The following XXYLT1 variants were observed in gnomAD, a reference collection of about 807,000 sequenced individuals.
The protein encoded by XXYLT1 is UDP-xylose:alpha-xyloside alpha-1,3-xylosyltransferase.
Under a neutral mutation model 28.9 loss-of-function variants are expected in XXYLT1, and 20 were observed. The ratio of observed to expected loss-of-function variants is 0.69; its 90% CI spans 0.49 to 1.00. XXYLT1 has a LOEUF of 1.00. Among genes scored for constraint, XXYLT1 ranks in the 50% least tolerant of loss-of-function variants. XXYLT1 has a pLI of 0.00. For missense variants in XXYLT1, 542 were observed against 560.1 expected (o/e 0.97, Z 0.33); for synonymous variants, 257 against 253.8 (o/e 1.01, Z -0.12).
At chr3:195,215,267 C>T (rs535917539) in intron 2 of XXYLT1, among the ~76,000 whole-genome samples, 3 of 146,172 alleles carry the variant, frequency 2.1e-5, no homozygotes, top group Non-Finnish European at 3.0e-5. Context: ...CATCAACTAA[C>T]GAGCAAAATA....
intron 2 of XXYLT1, among the ~76,000 whole-genome samples, chr3:195,157,077 T>C (rs1720636962): frequency 6.6e-6 from 1 of 151,872 alleles, no homozygotes; most frequent in Non-Finnish European, 1.5e-5. Context: ...ACCCTGTCTC[T>C]ACTAAAAATA....
intron 2 of XXYLT1, among the ~76,000 whole-genome samples, chr3:195,158,809 T>C (rs1007838968): frequency 6.6e-6 from 1 of 152,214 alleles, no homozygotes; most frequent in Non-Finnish European, 1.5e-5. Flanking sequence ...CGCCAAGTTG[T>C]AAATGTCACT....
At chr3:195,111,881 T>C (rs935940073) in intron 3 of XXYLT1, among the ~76,000 whole-genome samples, 16 of 152,204 alleles carry the variant, frequency 1.1e-4, no homozygotes, top group African/African-American at 3.9e-4. Flanking sequence ...CGGAAAAATA[T>C]GTAAATACAA....
chr3:195,182,711 G>A (rs1164828961), intron 2 of XXYLT1, among the ~76,000 whole-genome samples: 1 of 151,724 alleles, frequency 6.6e-6, no homozygotes, highest in African/African-American at 2.4e-5. Context: ...ACGAAAGGAA[G>A]GAAATTAATA....
At chr3:195,149,636 C>A (rs529316307) in intron 3 of XXYLT1, among the ~76,000 whole-genome samples, 105 of 152,364 alleles carry the variant, frequency 6.9e-4, no homozygotes, top group African/African-American at 2.5e-3. Context: ...AACTATACTG[C>A]AATCTACATT....
chr3:195,219,259 T>C (rs1407690869), intron 2 of XXYLT1, among the ~76,000 whole-genome samples: 1 of 152,166 alleles, frequency 6.6e-6, no homozygotes, highest in Non-Finnish European at 1.5e-5. Context: ...GGCACATGTA[T>C]ACATATGTAA....
In XXYLT1 at chr3:195,110,978, G is replaced by A. The variant is rs556013154; in HGVS notation, c.786-40867C>T. Among the ~76,000 whole-genome samples the A allele has an allele frequency of 7.7e-3, 1,172 of 151,870 alleles. 8 individuals are homozygous for A. The highest frequency in any genetic ancestry group is 0.014 in the Middle Eastern group (4 of 294). On this transcript the variant is annotated intron_variant, in intron 3 of 3. Coordinates refer to ENST00000310380, the MANE Select transcript of XXYLT1 (RefSeq NM_152531.5). ...GGGCAGGGTGATATTTATTTTCTAG[G>A]GCTGCCACGACAAAGTACAAACCGG...
At chr3:195,259,453 A>T (rs1043371551) in intron 1 of XXYLT1, among the ~76,000 whole-genome samples, 1 of 152,216 alleles carries the variant, frequency 6.6e-6, no homozygotes, top group African/African-American at 2.4e-5. Context: ...GGCGAAAGAT[A>T]AGAGCCCTGG....
chr3:195,268,955 A>G (rs939213196), intron 1 of XXYLT1, among the ~76,000 whole-genome samples: 2 of 152,234 alleles, frequency 1.3e-5, no homozygotes, highest in Admixed American at 1.3e-4. Flanking sequence ...CCAGGGAAGT[A>G]GAAAAGGAAA....
At chr3:195,126,559 GC>G (rs1248928850) in intron 3 of XXYLT1, among the ~76,000 whole-genome samples, 2 of 152,202 alleles carry the variant, frequency 1.3e-5, no homozygotes, top group Non-Finnish European at 2.9e-5. Flanking sequence ...TCTCAATTCT[GC>G]GACAGTCTCG....
chr3:195,267,984 T>C (rs1360346995), intron 1 of XXYLT1, among the ~76,000 whole-genome samples: 1 of 152,104 alleles, frequency 6.6e-6, no homozygotes. Flanking sequence ...TTACAAAATA[T>C]GAACTCAAAA....
intron 1 of XXYLT1, 133 bp downstream of exon 1, chr3:195,270,422 A>G: frequency 1.5e-6 from 2 of 1,339,118 alleles, no homozygotes; most frequent in South Asian, 3.9e-5. Flanking sequence ...GGTTGTGAAC[A>G]CTACATTGCA....
intron 3 of XXYLT1, among the ~76,000 whole-genome samples, chr3:195,092,107 G>A (rs2108662111): frequency 7.1e-6 from 1 of 140,612 alleles, no homozygotes. Flanking sequence ...TACTGCCCAA[G>A]GTAATTTACA....
At chr3:195,126,167 CT>C (rs1718610552) in intron 3 of XXYLT1, among the ~76,000 whole-genome samples, 1 of 152,224 alleles carries the variant, frequency 6.6e-6, no homozygotes, top group African/African-American at 2.4e-5. Flanking sequence ...AGTTCTACCC[CT>C]AACACACAGG....
At chr3:195,237,431 A>C (rs543425826) in intron 1 of XXYLT1, among the ~76,000 whole-genome samples, 1 of 152,308 alleles carries the variant, frequency 6.6e-6, no homozygotes, top group African/African-American at 2.4e-5. Context: ...CCACCGCCAC[A>C]GGGATGGAGT....
intron 3 of XXYLT1, among the ~76,000 whole-genome samples, chr3:195,116,133 G>A (rs2108605502): frequency 6.6e-6 from 1 of 152,262 alleles, no homozygotes; most frequent in Non-Finnish European, 1.5e-5. Context: ...TGTTCTGGTA[G>A]GTGACATGCA....
chr3:195,267,834 G>A (rs756171142), intron 1 of XXYLT1, among the ~76,000 whole-genome samples: 4 of 152,134 alleles, frequency 2.6e-5, no homozygotes, highest in African/African-American at 7.2e-5. Flanking sequence ...TCCAGACAGA[G>A]GAAAGGCATG....
chr3:195,137,016 C>G (rs542077815), intron 3 of XXYLT1, among the ~76,000 whole-genome samples: 5 of 152,162 alleles, frequency 3.3e-5, no homozygotes, highest in Non-Finnish European at 7.3e-5. Context: ...GCAACTCGTT[C>G]GAGTCCTAGG....
chr3:195,250,196 G>A (rs1441250160), intron 1 of XXYLT1, among the ~76,000 whole-genome samples: 1 of 152,180 alleles, frequency 6.6e-6, no homozygotes, highest in Non-Finnish European at 1.5e-5. Context: ...GGGCTGCCCA[G>A]CCAGCTCCTT....
Sources: gnomAD v4.1 joint callset for allele counts (sites outside exome capture counted in the v4.1 genomes callset) on GRCh38, gnomAD v4.1.1 for gene constraint, MANE v1.5 for transcripts, NCBI Gene and HGNC (gene_info 2026-07-23, HGNC 2026-07-21) for gene names.